The following CSMD1 variants were observed in gnomAD, a reference collection of about 807,000 sequenced individuals.
The protein encoded by CSMD1 is CUB and sushi domain-containing protein 1.
In CSMD1, 213 loss-of-function variants were observed where a neutral mutation model predicts 417.5. The ratio of observed to expected loss-of-function variants is 0.51; its 90% CI spans 0.46 to 0.57. The LOEUF (loss-of-function observed/expected upper bound fraction) is 0.57. CSMD1 is among the 20% of genes least tolerant of loss of function. The pLI is 0.00. For missense variants in CSMD1, 6,923 were observed against 4,529.7 expected, an observed-to-expected ratio of 1.53 and a Z score of -15.17; for synonymous variants, 2,862 against 1,736.8, an observed-to-expected ratio of 1.65 and a Z score of -16.11.
chr8:3,309,323 A>G (rs1805144718), intron 23 of CSMD1, among the ~76,000 whole-genome samples: 1 of 141,848 alleles, frequency 7.0e-6, no homozygotes, highest in African/African-American at 2.5e-5. Context: ...TCATGGGAAA[A>G]GAAAAAAAAA....
At chr8:4,116,751 G>C (rs902633560) in intron 3 of CSMD1, among the ~76,000 whole-genome samples, 7 of 152,072 alleles carry the variant, frequency 4.6e-5, no homozygotes, top group African/African-American at 1.7e-4. Context: ...TACGTGGAGA[G>C]GCAGGGGGTG....
chr8:3,898,366 A>T (rs1807506485), intron 5 of CSMD1, among the ~76,000 whole-genome samples: 1 of 152,032 alleles, frequency 6.6e-6, no homozygotes, highest in Non-Finnish European at 1.5e-5. Context: ...GTTATATGGC[A>T]TGATCTGTTA....
At chr8:4,246,012 T>C (rs1802687632) in intron 3 of CSMD1, among the ~76,000 whole-genome samples, 1 of 152,062 alleles carries the variant, frequency 6.6e-6, no homozygotes. Flanking sequence ...CTAGGTCAGT[T>C]ATTTGTTGTT....
At chr8:3,589,153 G>A (rs778273159) in intron 8 of CSMD1, among the ~76,000 whole-genome samples, 1 of 152,104 alleles carries the variant, frequency 6.6e-6, no homozygotes, top group African/African-American at 2.4e-5. Flanking sequence ...ATGTAAATTA[G>A]CATACTCATT....
At chr8:4,171,554 C>T (rs1310410015) in intron 3 of CSMD1, among the ~76,000 whole-genome samples, 1 of 151,696 alleles carries the variant, frequency 6.6e-6, no homozygotes, top group Admixed American at 6.6e-5. Flanking sequence ...ACAATAACTA[C>T]TGGATATGGA....
At chr8:4,878,270 T>C (rs1803173608) in intron 1 of CSMD1, among the ~76,000 whole-genome samples, 1 of 152,048 alleles carries the variant, frequency 6.6e-6, no homozygotes, top group African/African-American at 2.4e-5. Context: ...AAATTAATGG[T>C]GCTTTCTTGA....
intron 3 of CSMD1, among the ~76,000 whole-genome samples, chr8:4,303,266 G>C (rs1001324382): frequency 6.6e-6 from 1 of 151,954 alleles, no homozygotes; most frequent in Non-Finnish European, 1.5e-5. Flanking sequence ...AAATATAAAA[G>C]AAAACAAAAC....
At chr8:3,109,222 G>A (rs928988373) in intron 43 of CSMD1, among the ~76,000 whole-genome samples, 4 of 152,154 alleles carry the variant, frequency 2.6e-5, no homozygotes, top group Non-Finnish European at 5.9e-5. Context: ...CCAAGATCGC[G>A]CCACTGCACT....
At chr8:3,188,782 GGAGAGAGA>G in intron 35 of CSMD1, 97 bp downstream of exon 35, 1 of 962,720 alleles carries the variant, frequency 1.0e-6, no homozygotes, top group Non-Finnish European at 1.4e-6. Flanking sequence ...AAAGAGAGAG[GGAGAGAGA>G]GAGAGATGGA....
intron 16 of CSMD1, among the ~76,000 whole-genome samples, chr8:3,399,133 C>G (rs577370318): frequency 2.6e-5 from 4 of 152,098 alleles, no homozygotes; most frequent in Non-Finnish European, 5.9e-5. Flanking sequence ...GAGTCAGATA[C>G]AAGGGTCGGA....
chr8:4,570,010 G>A (rs928522755), intron 2 of CSMD1, among the ~76,000 whole-genome samples: 2 of 152,174 alleles, frequency 1.3e-5, no homozygotes, highest in African/African-American at 2.4e-5. Context: ...CTTTGCTGAA[G>A]TTCCTTATCA....
At chr8:3,535,800 C>T (rs893348995) in intron 10 of CSMD1, among the ~76,000 whole-genome samples, 3 of 152,140 alleles carry the variant, frequency 2.0e-5, no homozygotes, top group African/African-American at 7.2e-5. Context: ...TTCCCAAGGG[C>T]TGGATTCCTT....
chr8:3,764,750 T>A (rs1164931229), intron 5 of CSMD1, among the ~76,000 whole-genome samples: 3 of 150,844 alleles, frequency 2.0e-5, no homozygotes, highest in African/African-American at 7.3e-5. Context: ...TTTTTTTTTT[T>A]TTTTTTTTTA....
chr8:4,941,245 TTTG>T (rs1187549387), intron 1 of CSMD1, among the ~76,000 whole-genome samples: 1 of 146,698 alleles, frequency 6.8e-6, no homozygotes, highest in Non-Finnish European at 1.5e-5. Flanking sequence ...GTAACACTCT[TTTG>T]TTGTTTCAAA....
rs545987999 is a variant in CSMD1 at position 3,204,574 on chromosome 8, G to C, written c.4984+930C>G. Among the ~76,000 whole-genome samples, 6 of 152,174 alleles carry C rather than the reference G, an allele frequency of 3.9e-5. No individual in the cohort carries two copies. In the South Asian group the frequency reaches 6.2e-4, roughly 16 times the overall value. ...TTTGGGGAGGGTGTGCATTACATTC[G>C]TAAGAGGCCCGGGAATCATGACACA... On this transcript the variant is annotated intron_variant, in intron 31 of 69. Transcript: ENST00000635120.
rs184917799 is a variant in CSMD1 at position 3,969,473 on chromosome 8, A to G, written c.818+28430T>C. 9.9e-5 allele frequency among the ~76,000 whole-genome samples: 15 copies of G among 152,278 alleles called. No individual in the cohort carries two copies. The East Asian group carries it at 1.4e-3, about 14-fold the overall frequency. On this transcript the variant is annotated intron_variant, in intron 5 of 69. Transcript: ENST00000635120. ...CTAGTGTTGTTTAAGATCCTGGTCT[A>G]TAAGTTTGTGTTTTTTTTCCCCTTT...
intron 2 of CSMD1, among the ~76,000 whole-genome samples, chr8:4,523,775 T>C (rs913165090): frequency 6.6e-6 from 1 of 152,204 alleles, no homozygotes; most frequent in African/African-American, 2.4e-5. Context: ...ATAACATAAT[T>C]GTATGCAGAG....
intron 1 of CSMD1, among the ~76,000 whole-genome samples, chr8:4,847,694 C>A (rs1291061235): frequency 6.6e-6 from 1 of 151,672 alleles, no homozygotes; most frequent in Non-Finnish European, 1.5e-5. Context: ...TGATAGTTTC[C>A]TGACTTTTCT....
chr8:4,347,340 C>G lies in CSMD1; in HGVS notation c.415+72613G>C, dbSNP rs554098074. Among the ~76,000 whole-genome samples the G allele has an allele frequency of 7.2e-5, 11 of 152,274 alleles. No homozygotes were observed. In the South Asian group the frequency reaches 2.3e-3, roughly 32 times the overall value. ...ATTCAGTCTATAGCATAGGACAAAA[C>G]TACATAATATAATCGATACTCTCTG... is the stretch of plus-strand genomic sequence containing the variant. On this transcript the variant is annotated intron_variant, in intron 3 of 69. Coordinates refer to ENST00000635120, the MANE Select transcript of CSMD1 (RefSeq NM_033225.6).
Sources: gnomAD v4.1 joint callset for allele counts (sites outside exome capture counted in the v4.1 genomes callset) on GRCh38, gnomAD v4.1.1 for gene constraint, MANE v1.5 for transcripts, NCBI Gene and HGNC (gene_info 2026-07-23, HGNC 2026-07-21) for gene names.